The following AHNAK variants were observed in gnomAD, a reference collection of about 807,000 sequenced individuals.
AHNAK encodes AHNAK nucleoprotein.
AHNAK carries 23 observed loss-of-function variants against 37.8 expected under a neutral mutation model. The ratio of observed to expected loss-of-function variants is 0.61; its 90% CI spans 0.44 to 0.86. The LOEUF is 0.86. AHNAK is among the 40% of genes least tolerant of loss of function. The probability of loss-of-function intolerance (pLI) is 0.00; values close to 1 mark genes in which losing one functional copy is unlikely to be tolerated. For missense variants in AHNAK, 7,411 were observed against 7,319.4 expected (o/e 1.01, Z -0.46); for synonymous variants, 2,481 against 2,636.3 (o/e 0.94, Z 1.80).
At position 62,530,597 on chromosome 11, in the gene AHNAK, C is replaced by T. The variant is rs756038106; in HGVS notation, c.3820G>A (p.Val1274Met). The change falls in exon 5 of 5, where the codon GTG becomes ATG. Residue 1274 changes from valine (V) to methionine (M), a missense_variant. Transcript: ENST00000378024. ...MPGFKGEGRE[V>M]DVNLPKADID... The stretch of plus-strand genomic sequence containing the variant: ...TCAGCCTTGGGCAGGTTCACATCCA[C>T]TTCTCGGCCCTCTCCTTTGAAGCCA... 6.2e-7 allele frequency: 1 copy of T among 1,613,062 alleles called. No homozygotes were observed. Among genetic ancestry groups the T allele is most frequent in the Non-Finnish European group, 8.5e-7 (1 of 1,179,850 alleles).
intron 5 of AHNAK, among the ~76,000 whole-genome samples, chr11:62,445,626 G>A (rs529880629): frequency 5.4e-4 from 82 of 152,132 alleles, no homozygotes; most frequent in Non-Finnish European, 9.4e-4. Context: ...GGCTGAATGG[G>A]GAGGATCACT....
At chr11:62,442,512 C>A (rs565557847) in intron 5 of AHNAK, among the ~76,000 whole-genome samples, 1 of 152,114 alleles carries the variant, frequency 6.6e-6, no homozygotes, top group East Asian at 1.9e-4. Flanking sequence ...TGTGCCACTG[C>A]ACTCCAGCCT....
At position 62,518,387 on chromosome 11, in the gene AHNAK, C is replaced by A. The variant is rs376173979; in HGVS notation, c.16030G>T (p.Gly5344Cys). 1.8e-5 allele frequency: 29 copies of A among 1,614,004 alleles called. No individual in the cohort carries two copies. The highest frequency in any genetic ancestry group is 2.7e-5 in the African/African-American group (2 of 74,888). The change falls in exon 5 of 5, where the codon GGT becomes TGT. Residue 5344 changes from glycine to cysteine, a missense_variant. Transcript: ENST00000378024. ...GCATCGATCCCTGGCACTTTCACAC[C>A]GTCTCCTCCCACCTGCATTTTGCCA... Reference protein sequence around the residue: ...VGGKMQVGGDGVKVPGIDATT... With the variant: ...VGGKMQVGGDCVKVPGIDATT...
chr11:62,521,735 C>A lies in AHNAK; in HGVS notation c.12682G>T (p.Val4228Phe). Residue 4228 changes from valine (V) to phenylalanine (F), a missense_variant, in exon 5 of 5, where the codon GTT becomes TTT. Val to Phe is a conservative substitution (Grantham distance 50). Transcript: ENST00000378024. ...DVSGPKVDID[V>F]PDVNIEGPDA... Reference sequence around the variant, plus strand: ...GGACCTTCGATATTCACATCAGGAACATCAATGTCCACCTTGGGTCCTGAG... The same window carrying A: ...GGACCTTCGATATTCACATCAGGAAAATCAATGTCCACCTTGGGTCCTGAG... 6.2e-7 allele frequency: 1 copy of A among 1,613,890 alleles called. No individual in the cohort carries two copies. The highest frequency in any genetic ancestry group is 8.5e-7 in the Non-Finnish European group (1 of 1,179,994).
At position 62,532,541 on chromosome 11, in the gene AHNAK, G is replaced by A. The variant is rs12099190; in HGVS notation, c.1876C>T (p.Leu626=). The A allele has an allele frequency of 4.3e-6, 7 of 1,614,014 alleles. No individual in the cohort carries two copies. The South Asian group carries it at 6.6e-5, about 15-fold the overall frequency. The part of the protein sequence containing the change: ...DVEAHGPEWN[L]KMPKMKMPTF... ...GGCATTTTCATCTTGGGCATTTTCA[G>A]GTTCCATTCTGGGCCATGCGCTTCG... Residue 626 remains leucine, a synonymous_variant, in exon 5 of 5, where the codon CTG becomes TTG. Coordinates refer to ENST00000378024, the MANE Select transcript of AHNAK (RefSeq NM_001620.3).
At position 62,518,208 on chromosome 11, in the gene AHNAK, A is replaced by G. The variant is rs1940097495; in HGVS notation, c.16209T>C (p.Leu5403=). The G allele has an allele frequency of 1.9e-6, 3 of 1,613,962 alleles. No homozygotes were observed. The highest frequency in any genetic ancestry group is 1.7e-5 in the Admixed American group (1 of 59,998). Residue 5403 remains leucine (L), a synonymous_variant, in exon 5 of 5, where the codon CTT becomes CTC. Coordinates refer to ENST00000378024, the MANE Select transcript of AHNAK (RefSeq NM_001620.3). ...CAAATTGGGGCAGCTTCATTTTGGG[A>G]AGTTTAATGCTGCCTTCGGATGCCT... ...SLEASEGSIK[L]PKMKLPQFGI...
chr11:62,534,818 C>A (rs1940888616), intron 4 of AHNAK, among the ~76,000 whole-genome samples, 185 bp downstream of exon 4: 1 of 152,166 alleles, frequency 6.6e-6, no homozygotes, highest in Non-Finnish European at 1.5e-5. Flanking sequence ...GGGAGCACAG[C>A]CACATGTCAC....
chr11:62,465,755 C>G (rs1053818236), intron 5 of AHNAK, among the ~76,000 whole-genome samples: 2 of 152,148 alleles, frequency 1.3e-5, no homozygotes, highest in Non-Finnish European at 2.9e-5. Context: ...AAGGCAGCCA[C>G]ATGGAGATGG....
intron 5 of AHNAK, among the ~76,000 whole-genome samples, chr11:62,482,553 C>G (rs1281159355): frequency 1.3e-5 from 2 of 152,182 alleles, no homozygotes; most frequent in Non-Finnish European, 2.9e-5. Flanking sequence ...ACTGCCAAAT[C>G]GGGATATAAT....
At chr11:62,481,135 C>T (rs1342118518) in intron 5 of AHNAK, among the ~76,000 whole-genome samples, 7 of 146,412 alleles carry the variant, frequency 4.8e-5, no homozygotes, top group South Asian at 2.1e-4. Context: ...GACAGAGTTT[C>T]GCACTTGTTG....
At chr11:62,481,115 G>GT (rs1939264260) in intron 5 of AHNAK, among the ~76,000 whole-genome samples, 1 of 129,700 alleles carries the variant, frequency 7.7e-6, no homozygotes, top group African/African-American at 3.1e-5. Flanking sequence ...TTTTTTTTTT[G>GT]TTTTTTTGAG....
chr11:62,519,766 T>C lies in AHNAK; in HGVS notation c.14651A>G (p.Asp4884Gly). 6.2e-7 allele frequency: 1 copy of C among 1,613,016 alleles called. No homozygotes were observed. The highest frequency in any genetic ancestry group is 8.5e-7 in the Non-Finnish European group (1 of 1,179,468). The change falls in exon 5 of 5, where the codon GAT becomes GGT. Residue 4884 changes from aspartate (D) to glycine (G), a missense_variant. By Grantham distance (94) the Asp-to-Gly change is moderately conservative. Coordinates refer to ENST00000378024, the MANE Select transcript of AHNAK (RefSeq NM_001620.3). ...GAAATCCAGACGTGGACCTTTAAGA[T>C]CTACTTCTGGGCCTTTCAAAGTCCC... ...VEGTLKGPEV[D>G]LKGPRLDFEG...
chr11:62,528,978 C>A lies in AHNAK; in HGVS notation c.5439G>T (p.Pro1813=). 2 of 1,614,128 alleles carry A rather than the reference C, an allele frequency of 1.2e-6. No individual in the cohort carries two copies. Among genetic ancestry groups the A allele is most frequent in the African/African-American group, 1.3e-5 (1 of 75,022 alleles). Residue 1813 remains proline (P), a synonymous_variant, in exon 5 of 5, where the codon CCG becomes CCT. Coordinates refer to ENST00000378024, the MANE Select transcript of AHNAK (RefSeq NM_001620.3). ...VPELEGDLRG[P]QVDVKGPFVE... is the part of the protein sequence containing the mutation. Reference sequence around the variant, plus strand: ...CAAAAGGACCTTTGACATCAACTTGCGGCCCTCTGAGATCACCTTCCAGTT... The same window carrying A: ...CAAAAGGACCTTTGACATCAACTTGAGGCCCTCTGAGATCACCTTCCAGTT...
intron 5 of AHNAK, among the ~76,000 whole-genome samples, chr11:62,446,021 A>G (rs923201780): frequency 7.9e-5 from 12 of 152,120 alleles, no homozygotes; most frequent in African/African-American, 2.7e-4. Context: ...ACAAACAAAC[A>G]AGCAAACCAA....
chr11:62,519,540 G>A lies in AHNAK; in HGVS notation c.14877C>T (p.Asp4959=). ...GCCCTTCGATGTTAATATCTGGGCT[G>A]TCCATGTGTACATCTAAGCTTGGAG... The part of the protein sequence containing the change: ...VEAPSLDVHM[D]SPDINIEGPD... Residue 4959 remains aspartate, a synonymous_variant, in exon 5 of 5, where the codon GAC becomes GAT. Coordinates refer to ENST00000378024, the MANE Select transcript of AHNAK (RefSeq NM_001620.3). 2.5e-6 allele frequency: 4 copies of A among 1,612,492 alleles called. No homozygotes were observed. Among genetic ancestry groups the A allele is most frequent in the South Asian group, 2.2e-5 (2 of 90,786 alleles).
chr11:62,450,620 A>T (rs1938516265), intron 5 of AHNAK, among the ~76,000 whole-genome samples: 1 of 152,136 alleles, frequency 6.6e-6, no homozygotes, highest in Non-Finnish European at 1.5e-5. Context: ...CGTGTCCCTC[A>T]CCATTTCCTG....
rs757075720 is a variant in AHNAK at position 62,521,309 on chromosome 11, C to T, written c.13108G>A (p.Gly4370Ser). The part of the protein sequence containing the change: ...SIEGPDAKLK[G>S]PKFKMPEMNI... ...ATCTCTGGCATCTTGAACTTTGGAC[C>T]CTTGAGTTTTGCATCTGGACCTTCG... Residue 4370 changes from glycine to serine, a missense_variant, in exon 5 of 5, where the codon GGT (glycine) becomes AGT (serine). Coordinates refer to ENST00000378024, the MANE Select transcript of AHNAK (RefSeq NM_001620.3). 3.1e-6 allele frequency: 5 copies of T among 1,613,048 alleles called. 1 individual carries two copies. The Admixed American group carries it at 6.7e-5, about 22-fold the overall frequency.
chr11:62,470,530 C>G (rs957446900), intron 5 of AHNAK, among the ~76,000 whole-genome samples: 1 of 152,086 alleles, frequency 6.6e-6, no homozygotes, highest in Non-Finnish European at 1.5e-5. Flanking sequence ...CGCTTGAACC[C>G]GGGAGGCGGA....
chr11:62,517,613 C>T lies in AHNAK; in HGVS notation c.16804G>A (p.Val5602Ile), dbSNP rs369872697. 1.9e-5 allele frequency: 31 copies of T among 1,614,030 alleles called. No individual in the cohort carries two copies. Among genetic ancestry groups the T allele is most frequent in the Non-Finnish European group, 2.5e-5 (29 of 1,180,046 alleles). ...GTGTCCAAGTTGAGAGCAGAGGAGA[C>T]TTGGGGTCCCTTCCACTCACCCCCG... is the stretch of plus-strand genomic sequence containing the variant. The part of the protein sequence containing the change: ...GSGGEWKGPQ[V>I]SSALNLDTSK... The change falls in exon 5 of 5, where the codon GTC becomes ATC. Residue 5602 changes from valine (V) to isoleucine (I), a missense_variant. Physicochemically the swap from Val to Ile is conservative, Grantham distance 29. Coordinates refer to ENST00000378024, the MANE Select transcript of AHNAK (RefSeq NM_001620.3).
Sources: gnomAD v4.1 joint callset for allele counts (sites outside exome capture counted in the v4.1 genomes callset) on GRCh38, gnomAD v4.1.1 for gene constraint, MANE v1.5 for transcripts, NCBI Gene and HGNC (gene_info 2026-07-23, HGNC 2026-07-21) for gene names.